ERC2: variants seen among roughly 807,000 people sequenced by gnomAD.
The protein encoded by ERC2 is ERC protein 2.
ERC2 carries 42 observed loss-of-function variants against 114.8 expected under a neutral mutation model. That is an observed-to-expected ratio of 0.37 (90% CI 0.29 to 0.47). The LOEUF is 0.47. ERC2 is among the 20% of genes least tolerant of loss of function. The pLI is 0.99. For synonymous variants in ERC2, 454 were observed against 425.5 expected (o/e 1.07, Z -0.82); for missense variants, 939 against 1,150.7 (o/e 0.82, Z 2.66).
intron 15 of ERC2, among the ~76,000 whole-genome samples, chr3:55,730,138 A>G (rs774688648): frequency 7.2e-5 from 11 of 152,082 alleles, no homozygotes; most frequent in Non-Finnish European, 1.0e-4. Context: ...ACATTGCTTT[A>G]GGGAGTCAGT....
intron 14 of ERC2, among the ~76,000 whole-genome samples, chr3:55,873,922 G>A (rs944742171): frequency 2.6e-5 from 4 of 152,184 alleles, no homozygotes; most frequent in Non-Finnish European, 5.9e-5. Context: ...CTGGACATTA[G>A]ACTGTTAACT....
At chr3:55,694,645 T>C (rs2062837149) in intron 16 of ERC2, among the ~76,000 whole-genome samples, 1 of 152,236 alleles carries the variant, frequency 6.6e-6, no homozygotes, top group African/African-American at 2.4e-5. Context: ...AGTTTTCTCT[T>C]GGGCTTTCAA....
intron 2 of ERC2, among the ~76,000 whole-genome samples, chr3:56,361,423 A>C (rs929126103): frequency 6.6e-6 from 1 of 152,216 alleles, no homozygotes; most frequent in African/African-American, 2.4e-5. Context: ...AAAACAGAGG[A>C]ATCCAAAAAC....
intron 2 of ERC2, among the ~76,000 whole-genome samples, chr3:56,428,159 C>T (rs1052873231): frequency 6.6e-6 from 1 of 152,144 alleles, no homozygotes; most frequent in Non-Finnish European, 1.5e-5. Context: ...ATTGGCACAA[C>T]TCATCATATC....
At chr3:55,607,216 A>G (rs2058676464) in intron 17 of ERC2, among the ~76,000 whole-genome samples, 1 of 152,192 alleles carries the variant, frequency 6.6e-6, no homozygotes, top group Non-Finnish European at 1.5e-5. Context: ...CCAGACAGGC[A>G]GTTACAGGAC....
intron 10 of ERC2, among the ~76,000 whole-genome samples, chr3:55,997,896 T>TGG (rs2071673469): frequency 1.9e-5 from 1 of 54,036 alleles, no homozygotes; most frequent in African/African-American, 5.9e-5. Context: ...TTTTTTTTTT[T>TGG]TTTTTTTTTT....
At chr3:55,540,115 G>A (rs1456353639) in intron 17 of ERC2, among the ~76,000 whole-genome samples, 3 of 152,118 alleles carry the variant, frequency 2.0e-5, no homozygotes, top group Admixed American at 2.0e-4. Flanking sequence ...CTGGATCGCT[G>A]CATTTCCAGG....
chr3:55,825,462 A>G (rs965401626), intron 14 of ERC2, among the ~76,000 whole-genome samples: 12 of 152,218 alleles, frequency 7.9e-5, no homozygotes, highest in African/African-American at 2.9e-4. Context: ...ACTTGCCACA[A>G]AGAGTTTGTG....
chr3:55,726,395 T>G (rs1220840374), intron 15 of ERC2, among the ~76,000 whole-genome samples: 1 of 152,166 alleles, frequency 6.6e-6, no homozygotes, highest in Non-Finnish European at 1.5e-5. Flanking sequence ...GCACTGAAAG[T>G]GTAAATGGGA....
chr3:56,256,647 C>CT (rs1324675229), intron 3 of ERC2, among the ~76,000 whole-genome samples: 1 of 151,872 alleles, frequency 6.6e-6, no homozygotes, highest in African/African-American at 2.4e-5. Context: ...ATCTTGAATT[C>CT]TAATTCCCAC....
At chr3:56,142,843 T>G (rs1358317028) in intron 5 of ERC2, among the ~76,000 whole-genome samples, 1 of 152,058 alleles carries the variant, frequency 6.6e-6, no homozygotes, top group Admixed American at 6.6e-5. Context: ...CTAGTTTTTT[T>G]TTTTTGGAAC....
chr3:55,724,111 A>T (rs1559553078), intron 15 of ERC2, among the ~76,000 whole-genome samples: 2 of 151,470 alleles, frequency 1.3e-5, no homozygotes, highest in Non-Finnish European at 2.9e-5. Flanking sequence ...AGAATGAAAC[A>T]CAAAGGCTGC....
intron 17 of ERC2, among the ~76,000 whole-genome samples, chr3:55,564,180 G>A (rs1219323570): frequency 6.6e-6 from 1 of 152,182 alleles, no homozygotes; most frequent in Non-Finnish European, 1.5e-5. Flanking sequence ...ATGTCTGCCT[G>A]ATGTTTTGAA....
rs76409045 is a variant in ERC2 at position 56,205,731 on chromosome 3, C to T, written c.1075-32211G>A. 2.6e-3 allele frequency among the ~76,000 whole-genome samples: 392 copies of T among 152,226 alleles called. 1 individual carries two copies. The highest frequency in any genetic ancestry group is 0.018 in the South Asian group (87 of 4,814). On this transcript the variant is annotated intron_variant, in intron 3 of 17. Coordinates refer to ENST00000288221, the MANE Select transcript of ERC2 (RefSeq NM_015576.3). Reference sequence around the variant, plus strand: ...GAACACCCACTTGAGAAAACAAATCCACTTGTGTCCTACAGGAGAGCACTG... The same window carrying T: ...GAACACCCACTTGAGAAAACAAATCTACTTGTGTCCTACAGGAGAGCACTG...
intron 13 of ERC2, among the ~76,000 whole-genome samples, chr3:55,947,272 T>C (rs1012310639): frequency 8.0e-6 from 1 of 125,436 alleles, no homozygotes; most frequent in African/African-American, 3.3e-5. Context: ...CTCAACTATA[T>C]CCACACACTA....
intron 14 of ERC2, among the ~76,000 whole-genome samples, chr3:55,828,969 C>G: frequency 6.6e-6 from 1 of 152,008 alleles, no homozygotes; most frequent in South Asian, 2.1e-4. Context: ...GAGATCCTGT[C>G]TCTATAAAAA....
intron 17 of ERC2, among the ~76,000 whole-genome samples, chr3:55,638,780 T>A (rs1049570225): frequency 6.6e-5 from 10 of 152,240 alleles, no homozygotes; most frequent in African/African-American, 2.4e-4. Flanking sequence ...TCACTACCAC[T>A]TTGTTCTAAA....
chr3:56,458,557 C>T (rs1465940471), intron 1 of ERC2, among the ~76,000 whole-genome samples: 2 of 152,172 alleles, frequency 1.3e-5, no homozygotes, highest in African/African-American at 2.4e-5. Flanking sequence ...TCCACGCTCA[C>T]AAGCCTGATG....
chr3:55,612,724 A>G (rs1303827647), intron 17 of ERC2: 4 of 152,184 alleles, frequency 2.6e-5, no homozygotes, highest in African/African-American at 9.7e-5. Flanking sequence ...ACATACCATC[A>G]AGGTCATCCA....
Sources: gnomAD v4.1 joint callset for allele counts (sites outside exome capture counted in the v4.1 genomes callset) on GRCh38, gnomAD v4.1.1 for gene constraint, MANE v1.5 for transcripts, NCBI Gene and HGNC (gene_info 2026-07-23, HGNC 2026-07-21) for gene names.